The following CHRNA7 variants were observed in gnomAD, a reference collection of about 807,000 sequenced individuals.
CHRNA7 encodes neuronal acetylcholine receptor subunit alpha-7.
Under a neutral mutation model 48.0 loss-of-function variants are expected in CHRNA7, and 17 were observed. That is an observed-to-expected ratio of 0.35 (90% CI 0.24 to 0.53). CHRNA7 has a LOEUF of 0.53. Ranked by LOEUF, CHRNA7 falls within the 20% of genes least tolerant of loss-of-function variation. CHRNA7 has a pLI of 0.92. For missense variants in CHRNA7, 155 were observed against 577.7 expected (o/e 0.27, Z 7.50); for synonymous variants, 75 against 242.3 (o/e 0.31, Z 6.41).
At chr15:32,132,139 T>C (rs1290536103) in intron 4 of CHRNA7, among the ~76,000 whole-genome samples, 1 of 152,114 alleles carries the variant, frequency 6.6e-6, no homozygotes, top group Non-Finnish European at 1.5e-5. Context: ...AGTCCAGCTT[T>C]TTCCTTTGGT....
intron 4 of CHRNA7, among the ~76,000 whole-genome samples, chr15:32,122,578 T>G (rs1254644961): frequency 6.6e-6 from 1 of 152,196 alleles, no homozygotes; most frequent in African/African-American, 2.4e-5. Context: ...AGACTATCCA[T>G]TTATTCTACT....
chr15:32,117,832 A>G (rs79250782), intron 4 of CHRNA7, among the ~76,000 whole-genome samples: 3,150 of 152,170 alleles, frequency 0.021, 99 homozygotes, highest in African/African-American at 0.073. Context: ...CCTAACCGAG[A>G]TTGGCCTGCT....
intron 3 of CHRNA7, among the ~76,000 whole-genome samples, chr15:32,107,643 A>G (rs1432340017): frequency 6.6e-6 from 1 of 152,184 alleles, no homozygotes; most frequent in African/African-American, 2.4e-5. Flanking sequence ...AAGTGGAAGG[A>G]CGCAGCGGAC....
At chr15:32,060,774 T>C (rs919542732) in intron 2 of CHRNA7, among the ~76,000 whole-genome samples, 1 of 152,244 alleles carries the variant, frequency 6.6e-6, no homozygotes, top group Admixed American at 6.5e-5. Context: ...CAAGCAGATA[T>C]TAACAGTGGT....
At chr15:32,038,066 A>ATATG (rs2049381745) in intron 2 of CHRNA7, among the ~76,000 whole-genome samples, 1 of 145,890 alleles carries the variant, frequency 6.9e-6, no homozygotes, top group Admixed American at 6.8e-5. Flanking sequence ...GTATATATAT[A>ATATG]TATATAAATA....
chr15:32,135,103 G>A (rs1355046047), intron 4 of CHRNA7, among the ~76,000 whole-genome samples: 6 of 152,234 alleles, frequency 3.9e-5, no homozygotes, highest in Non-Finnish European at 8.8e-5. Context: ...CATGCAGAAA[G>A]CAGGTCTGGA....
At chr15:32,123,700 C>G (rs2051014067) in intron 4 of CHRNA7, among the ~76,000 whole-genome samples, 1 of 152,098 alleles carries the variant, frequency 6.6e-6, no homozygotes, top group African/African-American at 2.4e-5. Flanking sequence ...TTCTTATCTC[C>G]CATTTGCTCC....
intron 2 of CHRNA7, among the ~76,000 whole-genome samples, chr15:32,050,908 C>G (rs1360561092): frequency 1.3e-5 from 2 of 152,164 alleles, no homozygotes; most frequent in African/African-American, 2.4e-5. Context: ...TGCTAGAGGT[C>G]CACTCCAGAC....
chr15:32,144,165 C>T (rs2051438963), intron 4 of CHRNA7, among the ~76,000 whole-genome samples: 1 of 152,114 alleles, frequency 6.6e-6, no homozygotes, highest in Non-Finnish European at 1.5e-5. Flanking sequence ...TTTTATTTCT[C>T]CTTCACTTAT....
chr15:32,157,222 A>C (rs1322297436), intron 5 of CHRNA7: 1 of 191,880 alleles, frequency 5.2e-6, no homozygotes, highest in African/African-American at 3.3e-5. Flanking sequence ...ACACACACAC[A>C]CACACACCTT....
chr15:32,164,913 TAAAAAAAAAAAAAAAAAAAA>T (rs1164824394), intron 9 of CHRNA7, among the ~76,000 whole-genome samples: 1 of 15,958 alleles, frequency 6.3e-5, no homozygotes, highest in Non-Finnish European at 1.0e-4. Context: ...CTCCATCTCC[TAAAAAAAAAAAAAAAAAAAA>T]AAAAAAAAAA....
intron 2 of CHRNA7, among the ~76,000 whole-genome samples, chr15:32,094,797 A>G (rs2050439830): frequency 1.3e-5 from 2 of 152,060 alleles, no homozygotes; most frequent in Non-Finnish European, 2.9e-5. Flanking sequence ...AGTAGCTGGG[A>G]CTGCAGGTGC....
chr15:32,166,306 C>T (rs1328308088), intron 9 of CHRNA7: 4 of 152,428 alleles, frequency 2.6e-5, no homozygotes, highest in East Asian at 3.8e-4. Flanking sequence ...GACGGCCCAA[C>T]TCACCCAAGG....
intron 4 of CHRNA7, among the ~76,000 whole-genome samples, chr15:32,117,235 T>G (rs984785643): frequency 1.9e-4 from 29 of 152,182 alleles, no homozygotes; most frequent in African/African-American, 6.8e-4. Context: ...TCTGGGAGAC[T>G]GTGTATAGCA....
At chr15:32,134,101 T>A (rs2051203173) in intron 4 of CHRNA7, among the ~76,000 whole-genome samples, 1 of 151,830 alleles carries the variant, frequency 6.6e-6, no homozygotes, top group Non-Finnish European at 1.5e-5. Flanking sequence ...CTCTCCTGCG[T>A]CCTCCTCCCT....
At chr15:32,112,112 C>T in intron 4 of CHRNA7, 1 of 628,722 alleles carries the variant, frequency 1.6e-6, no homozygotes, top group Non-Finnish European at 2.9e-6. Flanking sequence ...CGTGCACACG[C>T]TGGCTAGCCT....
intron 2 of CHRNA7, among the ~76,000 whole-genome samples, chr15:32,048,594 A>G (rs1175817407): frequency 2.0e-5 from 3 of 151,476 alleles, no homozygotes; most frequent in Non-Finnish European, 2.9e-5. Flanking sequence ...CGGTCTATCA[A>G]TTTTGTTGAT....
chr15:32,166,727 A>G (rs1473936104), intron 9 of CHRNA7: 9 of 145,146 alleles, frequency 6.2e-5, no homozygotes, highest in Non-Finnish European at 1.2e-4. Context: ...TACACTTTAC[A>G]TGGATGGGCT....
intron 4 of CHRNA7, among the ~76,000 whole-genome samples, chr15:32,136,939 G>A (rs1406080754): frequency 6.9e-6 from 1 of 145,830 alleles, no homozygotes; most frequent in Admixed American, 7.0e-5. Flanking sequence ...GGCTGAGGCA[G>A]GAGAATGGCG....
Sources: allele counts gnomAD v4.1 joint callset (sites outside exome capture counted in the v4.1 genomes callset), GRCh38; gene constraint gnomAD v4.1.1; transcripts MANE v1.5; gene names NCBI Gene and HGNC (gene_info 2026-07-23, HGNC 2026-07-21).